The following IRAK4 variants were observed in gnomAD, a reference collection of about 807,000 sequenced individuals.
IRAK4 encodes interleukin-1 receptor-associated kinase 4.
Under a neutral mutation model 51.8 loss-of-function variants are expected in IRAK4, and 44 were observed. The observed-to-expected ratio is 0.85, with a 90% CI of 0.67 to 1.09. The LOEUF (loss-of-function observed/expected upper bound fraction) is 1.09, where lower values mean the gene tolerates loss of function less well. Ranked by LOEUF, IRAK4 falls within the 50% of genes least tolerant of loss-of-function variation. IRAK4 has a pLI of 0.00. For missense variants in IRAK4, 487 were observed against 538.0 expected, an observed-to-expected ratio of 0.91 and a Z score of 0.94; for synonymous variants, 149 against 174.1, an observed-to-expected ratio of 0.86 and a Z score of 1.13.
chr12:43,777,587 ATATT>A (rs769538356), intron 6 of IRAK4, 39 bp from the exon 7 acceptor site: 3 of 1,541,904 alleles, frequency 1.9e-6, no homozygotes, highest in South Asian at 1.2e-5. Context: ...AGCTGAATAT[ATATT>A]TATTATAATA....
chr12:43,771,104 C>T lies in IRAK4; in HGVS notation c.162-116C>T, dbSNP rs927271443. On this transcript the variant is annotated intron_variant, in intron 2 of 11. Coordinates refer to ENST00000613694, the MANE Select transcript of IRAK4 (RefSeq NM_016123.4). Reference sequence around the variant, plus strand: ...TCTTGGACTTCCCAGCCTCCAGAACCGTGAGCCAAATTAACTATTATTTAT... The same window carrying T: ...TCTTGGACTTCCCAGCCTCCAGAACTGTGAGCCAAATTAACTATTATTTAT... 1.3e-4 allele frequency: 121 copies of T among 940,632 alleles called. 1 individual carries two copies. The highest frequency in any genetic ancestry group is 4.0e-5 in the Admixed American group (2 of 50,314). 58.3% of individuals were successfully genotyped at this position (940,632 alleles called of 1,614,324 possible). A position where few individuals can be genotyped will look rare whatever the true frequency, so the allele number is the denominator to read the frequency against.
At position 43,787,413 on chromosome 12, in the gene IRAK4, A is replaced by G. The variant is rs999169502; in HGVS notation, c.*698A>G. The stretch of plus-strand genomic sequence containing the variant: ...AGGTTCCTAAACAACTCACTTTGAG[A>G]CTGTTGAAAGGGCCTGACCTAATCA... On this transcript the variant is annotated 3_prime_UTR_variant, in exon 12 of 12. Transcript: ENST00000613694. 2.6e-5 allele frequency: 4 copies of G among 152,316 alleles called. No homozygotes were observed. The highest frequency in any genetic ancestry group is 2.6e-4 in the Admixed American group (4 of 15,288). 9.4% of individuals were successfully genotyped at this position (152,316 alleles called of 1,614,324 possible).
intron 1 of IRAK4, among the ~76,000 whole-genome samples, chr12:43,763,638 A>G (rs188568389): frequency 9.2e-5 from 14 of 152,154 alleles, no homozygotes; most frequent in African/African-American, 3.1e-4. Context: ...AAAGGTCCTG[A>G]GACCAAATTT....
intron 6 of IRAK4, among the ~76,000 whole-genome samples, chr12:43,775,187 A>C (rs1941154552): frequency 6.6e-6 from 1 of 152,238 alleles, no homozygotes; most frequent in Non-Finnish European, 1.5e-5. Context: ...AAAATGATAC[A>C]TGCTGAAAAA....
At chr12:43,768,785 C>A (rs930705442) in intron 2 of IRAK4, among the ~76,000 whole-genome samples, 3 of 152,168 alleles carry the variant, frequency 2.0e-5, no homozygotes, top group African/African-American at 7.2e-5. Context: ...GTGCTGTCTT[C>A]AGATAATTTC....
intron 8 of IRAK4, among the ~76,000 whole-genome samples, chr12:43,779,032 TAGG>T (rs1941546189): frequency 1.3e-5 from 2 of 152,048 alleles, no homozygotes; most frequent in Admixed American, 1.3e-4. Context: ...GGAGCCAAGA[TAGG>T]AGGATCATTT....
At chr12:43,763,382 T>G (rs1446901764) in intron 1 of IRAK4, 1 of 152,208 alleles carries the variant, frequency 6.6e-6, no homozygotes, top group Non-Finnish European at 1.5e-5. Flanking sequence ...AATTCAGCTC[T>G]CTTCTATTAA....
At chr12:43,770,965 C>G in intron 2 of IRAK4, 3 of 625,426 alleles carry the variant, frequency 4.8e-6, no homozygotes, top group Non-Finnish European at 8.7e-6. Flanking sequence ...TTCTTTTTCT[C>G]TCTCTCTCTT....
In IRAK4 at chr12:43,782,368, G is replaced by A. The variant is rs1371885699; in HGVS notation, c.1003G>A (p.Ala335Thr). 5 of 1,613,528 alleles carry A rather than the reference G, an allele frequency of 3.1e-6. No individual in the cohort carries two copies. The African/African-American group carries it at 5.3e-5, about 17-fold the overall frequency. ...AATATCTGACTTTGGCCTTGCACGGGCTTCTGAGAAGTTTGCCCAGACAGT... is the reference window on the plus strand; with the variant it reads ...AATATCTGACTTTGGCCTTGCACGGACTTCTGAGAAGTTTGCCCAGACAGT... ...AKISDFGLAR[A>T]SEKFAQTVMT... The change falls in exon 9 of 12, where the codon GCT becomes ACT. Residue 335 changes from alanine (A) to threonine (T), a missense_variant. By Grantham distance (58) the Ala-to-Thr change is moderately conservative (BLOSUM62 0). Coordinates refer to ENST00000613694, the MANE Select transcript of IRAK4 (RefSeq NM_016123.4).
intron 1 of IRAK4, among the ~76,000 whole-genome samples, chr12:43,761,549 G>T (rs745664413): frequency 5.5e-4 from 83 of 151,946 alleles, no homozygotes; most frequent in Non-Finnish European, 8.7e-4. Context: ...CAATTCTTAG[G>T]TATTACTATC....
chr12:43,760,121 G>C lies in IRAK4; in HGVS notation c.-10+1105G>C, dbSNP rs4251426. ...AGTTTGCTTTCTACCTCTCCAAACT[G>C]AGCTTCTGATATTCCAGGCCAAACT... On this transcript the variant is annotated intron_variant, in intron 1 of 11. Transcript: ENST00000613694. 2.4e-3 allele frequency among the ~76,000 whole-genome samples: 358 copies of C among 152,218 alleles called. 2 individuals carry two copies. The highest frequency in any genetic ancestry group is 8.0e-3 in the African/African-American group (334 of 41,540).
At chr12:43,771,830 A>G (rs1377683375) in intron 3 of IRAK4, among the ~76,000 whole-genome samples, 1 of 152,110 alleles carries the variant, frequency 6.6e-6, no homozygotes, top group Non-Finnish European at 1.5e-5. Flanking sequence ...TATCATGCAT[A>G]AGAATCACTT....
intron 7 of IRAK4, 152 bp downstream of exon 7, chr12:43,777,896 A>G (rs1433444744): frequency 1.4e-6 from 1 of 729,494 alleles, no homozygotes; most frequent in Non-Finnish European, 2.3e-6. Flanking sequence ...CAAATTATAC[A>G]GTTGATATGT....
chr12:43,770,894 A>G (rs1014651830), intron 2 of IRAK4: 3 of 491,278 alleles, frequency 6.1e-6, no homozygotes, highest in Non-Finnish European at 1.1e-5. Flanking sequence ...TCGTCATGGC[A>G]GGAGTGGGTT....
intron 1 of IRAK4, 51 bp from the exon 2 acceptor site, chr12:43,768,052 G>A: frequency 7.4e-7 from 1 of 1,357,028 alleles, no homozygotes; most frequent in Non-Finnish European, 1.0e-6. Context: ...GCTTACAGAT[G>A]TCATCTCTAA....
chr12:43,773,639 G>T (rs1017584655), intron 5 of IRAK4, among the ~76,000 whole-genome samples: 27 of 150,028 alleles, frequency 1.8e-4, no homozygotes, highest in East Asian at 7.8e-4. Flanking sequence ...CTTTTGTAGG[G>T]TTTTTTTTTC....
intron 2 of IRAK4, 106 bp downstream of exon 2, chr12:43,768,378 C>G: frequency 1.2e-6 from 1 of 802,232 alleles, no homozygotes; most frequent in Non-Finnish European, 2.0e-6. Flanking sequence ...TAAACCTCTC[C>G]ACTATGGAGG....
chr12:43,760,055 A>G (rs554883919), intron 1 of IRAK4, among the ~76,000 whole-genome samples: 1 of 152,280 alleles, frequency 6.6e-6, no homozygotes, highest in South Asian at 2.1e-4. Flanking sequence ...GCTATCGGGA[A>G]GTTCAAATTT....
At chr12:43,773,828 A>G (rs1941018868) in intron 5 of IRAK4, 137 bp from the exon 6 acceptor site, 1 of 662,798 alleles carries the variant, frequency 1.5e-6, no homozygotes, top group South Asian at 1.7e-5. Flanking sequence ...TCTAGATCTC[A>G]GTTATTCTGT....
Sources: gnomAD v4.1 joint callset for allele counts (sites outside exome capture counted in the v4.1 genomes callset) on GRCh38, gnomAD v4.1.1 for gene constraint, MANE v1.5 for transcripts, NCBI Gene and HGNC (gene_info 2026-07-23, HGNC 2026-07-21) for gene names.